TGFB3: variants seen among roughly 807,000 people sequenced by gnomAD.
TGFB3 encodes transforming growth factor beta 3.
Under a neutral mutation model 40.1 loss-of-function variants are expected in TGFB3, and 5 were observed. That is an observed-to-expected ratio of 0.12 (90% CI 0.07 to 0.26). The LOEUF is 0.26. Among genes scored for constraint, TGFB3 ranks in the 10% least tolerant of loss-of-function variants. TGFB3 has a pLI of 1.00. For missense variants in TGFB3, 373 were observed against 530.1 expected (o/e 0.70, Z 2.91); for synonymous variants, 184 against 205.6 (o/e 0.89, Z 0.90).
rs1594791446 is a variant in TGFB3 at position 75,979,149 on chromosome 14, G to A, written c.352+1393C>T. ...TGGCAGCCACATCCTGAAGAAAGGCGCTCCAGGCAGCCACAGGAAGCTGGA... is the reference window on the plus strand; with the variant it reads ...TGGCAGCCACATCCTGAAGAAAGGCACTCCAGGCAGCCACAGGAAGCTGGA... On this transcript the variant is annotated intron_variant, in intron 1 of 6. Transcript: ENST00000238682. The surrounding 1 kb of genome is among the most constrained non-coding windows in gnomAD (Gnocchi z 4.8). Among the ~76,000 whole-genome samples, 3 of 152,042 alleles carry A rather than the reference G, an allele frequency of 2.0e-5. No homozygotes were observed. Among genetic ancestry groups the A allele is most frequent in the South Asian group, 2.1e-4 (1 of 4,820 alleles).
chr14:75,965,768 G>A (rs944710185), intron 3 of TGFB3, 73 bp from the exon 4 acceptor site: 26 of 1,209,848 alleles, frequency 2.1e-5, no homozygotes, highest in African/African-American at 6.2e-5. Context: ...ACCCATGCAA[G>A]GGTGAGCCAG....
chr14:75,963,591 G>T, intron 4 of TGFB3, 104 bp from the exon 5 acceptor site: 1 of 1,410,290 alleles, frequency 7.1e-7, no homozygotes, highest in Non-Finnish European at 1.0e-6. Flanking sequence ...GAGGGGCAGT[G>T]CAGTCTGCGA....
upstream of TGFB3, among the ~76,000 whole-genome samples, chr14:75,982,293 G>T (rs1312851599): frequency 6.6e-6 from 1 of 152,092 alleles, no homozygotes; most frequent in Non-Finnish European, 1.5e-5. The surrounding 1 kb of genome is among the most constrained non-coding windows in gnomAD (Gnocchi z 4.0). Flanking sequence ...GCGCCCTCTC[G>T]CCAGCTGTCA....
chr14:75,964,379 A>G (rs2035196463), intron 4 of TGFB3, among the ~76,000 whole-genome samples: 1 of 152,256 alleles, frequency 6.6e-6, no homozygotes, highest in African/African-American at 2.4e-5. Context: ...TGTTTTCACT[A>G]TAAAATTCAG....
rs2035396007 is a variant in TGFB3 at position 75,979,501 on chromosome 14, C to T, written c.352+1041G>A. Among the ~76,000 whole-genome samples, 1 of 152,186 alleles carries T rather than the reference C, an allele frequency of 6.6e-6. No individual in the cohort carries two copies. Among genetic ancestry groups the T allele is most frequent in the Non-Finnish European group, 1.5e-5 (1 of 68,020 alleles). ...GAGTCTACGGCCCACGAGTGGCTCA[C>T]ATTCCTCTTTCCTGGGCTGTCAGTT... On this transcript the variant is annotated intron_variant, in intron 1 of 6. Transcript: ENST00000238682. The surrounding 1 kb of genome is among the most constrained non-coding windows in gnomAD (Gnocchi z 4.8).
chr14:75,960,807 TACTC>T, intron 6 of TGFB3, 112 bp downstream of exon 6: 1 of 1,410,088 alleles, frequency 7.1e-7, no homozygotes, highest in Non-Finnish European at 9.8e-7. Flanking sequence ...AGAGGAATTT[TACTC>T]ACCCCAGACC....
At chr14:75,973,463 C>T (rs958397452) in intron 1 of TGFB3, among the ~76,000 whole-genome samples, 1 of 152,222 alleles carries the variant, frequency 6.6e-6, no homozygotes, top group East Asian at 1.9e-4. Context: ...ATACTGCCAA[C>T]GATTCCCTAA....
chr14:75,959,810 G>A (rs2035131363), intron 6 of TGFB3, among the ~76,000 whole-genome samples: 1 of 151,928 alleles, frequency 6.6e-6, no homozygotes, highest in African/African-American at 2.4e-5. Flanking sequence ...CCTGGTTTGG[G>A]TGAGTGAGTA....
In TGFB3 at chr14:75,971,077, A is replaced by C. The variant is rs759921906; in HGVS notation, c.646+49T>G. ...TCTTCCCTCCATTTCATGGAGGACTAAGGGACCTGAGGTTCATTCTGAAAT... is the reference window on the plus strand; with the variant it reads ...TCTTCCCTCCATTTCATGGAGGACTCAGGGACCTGAGGTTCATTCTGAAAT... On this transcript the variant is annotated intron_variant, in intron 3 of 6. Coordinates refer to ENST00000238682, the MANE Select transcript of TGFB3 (RefSeq NM_003239.5). This position sits in a 1 kb window ranked among gnomAD's most constrained non-coding sequence, Gnocchi z 4.5. 7.5e-6 allele frequency: 12 copies of C among 1,610,362 alleles called. No individual in the cohort carries two copies. The South Asian group carries it at 1.3e-4, about 18-fold the overall frequency.
At chr14:75,962,874 G>A (rs747784595) in intron 5 of TGFB3, among the ~76,000 whole-genome samples, 3 of 152,158 alleles carry the variant, frequency 2.0e-5, no homozygotes, top group South Asian at 2.1e-4. Flanking sequence ...TTCAAATGGA[G>A]ACCATTCTAT....
rs387906514 is a variant in TGFB3, at chr14:75,958,692, G to A, written c.*495C>T. 2 of 206,464 alleles carry A rather than the reference G, an allele frequency of 9.7e-6. No individual in the cohort carries two copies. The highest frequency in any genetic ancestry group is 1.1e-4 in the East Asian group (1 of 8,804). 12.8% of individuals were successfully genotyped at this position (206,464 alleles called of 1,614,324 possible). ...GATACAATTCTGGGACTTTGTCTTC[G>A]TAACCTGTCTTTAAAAAAAAAAAAA... On this transcript the variant is annotated 3_prime_UTR_variant, in exon 7 of 7. Transcript: ENST00000238682.
Position 75,971,792 on chromosome 14 carries a change from C to A in TGFB3, c.353-74G>T. ...GAACAGTGTGCTGCCAACGGACAGG[C>A]ACCAAGTGGCCACCGTCCCGCCTGC... On this transcript the variant is annotated intron_variant, in intron 1 of 6. Transcript: ENST00000238682. The surrounding 1 kb of genome is among the most constrained non-coding windows in gnomAD (Gnocchi z 4.5). 6.4e-7 allele frequency: 1 copy of A among 1,565,616 alleles called. No individual in the cohort carries two copies. Among genetic ancestry groups the A allele is most frequent in the Non-Finnish European group, 8.7e-7 (1 of 1,144,230 alleles).
At position 75,979,809 on chromosome 14, in the gene TGFB3, CGT is replaced by C. The variant is rs1454468970; in HGVS notation, c.352+731_352+732del. Among the ~76,000 whole-genome samples the C allele has an allele frequency of 6.6e-6, 1 of 152,104 alleles. No individual in the cohort carries two copies. Among genetic ancestry groups the C allele is most frequent in the African/African-American group, 2.4e-5 (1 of 41,426 alleles). ...ATCCACAGCCAAAACCCGCTCTCCC[CGT>C]GCCCACCGGCCTGGAGGGCGCCCAT... is the stretch of plus-strand genomic sequence containing the variant. On this transcript the variant is annotated intron_variant, in intron 1 of 6. Coordinates refer to ENST00000238682, the MANE Select transcript of TGFB3 (RefSeq NM_003239.5). This position sits in a 1 kb window ranked among gnomAD's most constrained non-coding sequence, Gnocchi z 4.8.
rs1487145668 is a variant in TGFB3, at chr14:75,980,521, C to A, written c.352+21G>T. On this transcript the variant is annotated intron_variant, in intron 1 of 6. Coordinates refer to ENST00000238682, the MANE Select transcript of TGFB3 (RefSeq NM_003239.5). The surrounding 1 kb of genome is among the most constrained non-coding windows in gnomAD (Gnocchi z 4.3). ...GTTCAGACCCTCCAGAGCAGACACC[C>A]CAGCGAGAATTTGGACTTACTGTGC... 1 of 1,612,780 alleles carries A rather than the reference C, an allele frequency of 6.2e-7. No individual in the cohort carries two copies.
At chr14:75,961,178 T>C (rs1429874957) in intron 5 of TGFB3, 102 bp from the exon 6 acceptor site, 10 of 1,360,372 alleles carry the variant, frequency 7.4e-6, no homozygotes, top group Non-Finnish European at 1.0e-5. Flanking sequence ...CATGCCATCA[T>C]AGGTGGCTCT....
intron 4 of TGFB3, among the ~76,000 whole-genome samples, chr14:75,964,506 C>T (rs982370490): frequency 1.3e-5 from 2 of 152,126 alleles, no homozygotes; most frequent in Admixed American, 6.5e-5. Flanking sequence ...TAGAAAGAGT[C>T]TCAACTAAAT....
rs1034646401 is a variant in TGFB3 at position 75,980,167 on chromosome 14, C to G, written c.352+375G>C. Among the ~76,000 whole-genome samples the G allele has an allele frequency of 6.6e-6, 1 of 152,170 alleles. No individual in the cohort carries two copies. Among genetic ancestry groups the G allele is most frequent in the Admixed American group, 6.5e-5 (1 of 15,286 alleles). ...GAACCGTAAGGGCTCCTGACAGAGC[C>G]GGCCTTCCCCTTTATGGCACCCAGA... On this transcript the variant is annotated intron_variant, in intron 1 of 6. Transcript: ENST00000238682. The surrounding 1 kb of genome is among the most constrained non-coding windows in gnomAD (Gnocchi z 4.3).
chr14:75,971,478 G>A lies in TGFB3; in HGVS notation c.516+77C>T, dbSNP rs893976588. ...TTCAAACCCAGGTCTGCCAAACGCT[G>A]CACCCAGTGGTGCCCTGATATGGCA... On this transcript the variant is annotated intron_variant, in intron 2 of 6. Coordinates refer to ENST00000238682, the MANE Select transcript of TGFB3 (RefSeq NM_003239.5). This position sits in a 1 kb window ranked among gnomAD's most constrained non-coding sequence, Gnocchi z 4.5. 32 of 1,594,340 alleles carry A rather than the reference G, an allele frequency of 2.0e-5. No homozygotes were observed. The highest frequency in any genetic ancestry group is 2.7e-5 in the Non-Finnish European group (32 of 1,169,126).
chr14:75,976,271 C>A (rs1240349175), intron 1 of TGFB3, among the ~76,000 whole-genome samples: 2 of 152,104 alleles, frequency 1.3e-5, no homozygotes, highest in African/African-American at 4.8e-5. Context: ...ATTCCTGGAC[C>A]CATTCCCCAG....
Sources: allele counts gnomAD v4.1 joint callset (sites outside exome capture counted in the v4.1 genomes callset), GRCh38; gene constraint gnomAD v4.1.1; non-coding constraint Gnocchi (gnomAD v3.1); transcripts MANE v1.5; gene names NCBI Gene and HGNC (gene_info 2026-07-23, HGNC 2026-07-21).